Variants in PCDHA5 observed in about 807,000 individuals in gnomAD.
PCDHA5 encodes the protein protocadherin alpha 5.
In PCDHA5, 43 loss-of-function variants were observed where a neutral mutation model predicts 61.6. The observed-to-expected ratio is 0.70, with a 90% CI of 0.55 to 0.90. PCDHA5 has a LOEUF of 0.90. PCDHA5 is among the 40% of genes least tolerant of loss of function. PCDHA5 has a pLI of 0.00. For synonymous variants in PCDHA5, 627 were observed against 543.9 expected (o/e 1.15, Z -2.13); for missense variants, 1,298 against 1,222.7 (o/e 1.06, Z -0.92).
intron 1 of PCDHA5, chr5:140,877,659 G>A (rs1554169954): frequency 9.3e-6 from 15 of 1,613,500 alleles, no homozygotes; most frequent in Admixed American, 1.7e-5. Flanking sequence ...CGCCCACCGT[G>A]AGCCGGTGCG....
At chr5:140,857,146 C>T (rs1554149571) in intron 1 of PCDHA5, 3 of 1,598,132 alleles carry the variant, frequency 1.9e-6, no homozygotes, top group East Asian at 2.2e-5. Flanking sequence ...AAGTGGGCAC[C>T]GTCATTGCCC....
At chr5:140,838,195 A>T (rs1007938593) in intron 1 of PCDHA5, among the ~76,000 whole-genome samples, 4 of 149,564 alleles carry the variant, frequency 2.7e-5, no homozygotes, top group Non-Finnish European at 5.9e-5. Context: ...CTCACTGCAA[A>T]ATCCGCCTCT....
chr5:140,906,804 C>T (rs1254520665), intron 1 of PCDHA5, among the ~76,000 whole-genome samples: 3 of 152,224 alleles, frequency 2.0e-5, no homozygotes, highest in Non-Finnish European at 4.4e-5. Context: ...CATACTCTTC[C>T]TTACCTCCAC....
rs199746737 is a variant in PCDHA5 at position 140,822,067 on chromosome 5, A to T, written c.292A>T (p.Arg98Trp). 1.9e-4 allele frequency: 311 copies of T among 1,614,078 alleles called. No individual in the cohort carries two copies. Among genetic ancestry groups the T allele is most frequent in the Non-Finnish European group, 2.4e-4 (286 of 1,180,038 alleles). The change falls in exon 1 of 4, where the codon AGG (arginine) becomes TGG (tryptophan). Residue 98 changes from arginine (R) to tryptophan (W), a missense_variant. Arg to Trp is a moderately radical substitution (Grantham distance 101). Transcript: ENST00000529859. ...RIDREELCRR[R>W]AECSIHLEVI... ...CGACCGGGAGGAGCTGTGCCGGCGGAGGGCGGAGTGCAGCATCCACCTGGA... is the reference window on the plus strand; with the variant it reads ...CGACCGGGAGGAGCTGTGCCGGCGGTGGGCGGAGTGCAGCATCCACCTGGA...
chr5:140,935,353 T>C (rs2090328143), intron 1 of PCDHA5, among the ~76,000 whole-genome samples: 1 of 152,184 alleles, frequency 6.6e-6, no homozygotes, highest in Non-Finnish European at 1.5e-5. Flanking sequence ...CAAATCCCAG[T>C]TTTCATTAAC....
At chr5:140,859,846 T>C (rs1156718746) in intron 1 of PCDHA5, 1 of 152,114 alleles carries the variant, frequency 6.6e-6, no homozygotes. Context: ...TTTTATCAAA[T>C]AGGTTTATGA....
chr5:140,923,171 G>T (rs1236853762), intron 1 of PCDHA5, among the ~76,000 whole-genome samples: 1 of 152,112 alleles, frequency 6.6e-6, no homozygotes, highest in Non-Finnish European at 1.5e-5. Flanking sequence ...ATAAATTTTT[G>T]TTCAGATGCA....
chr5:140,871,046 T>C, intron 1 of PCDHA5: 1 of 1,613,310 alleles, frequency 6.2e-7, no homozygotes, highest in Non-Finnish European at 8.5e-7. Context: ...CGACTTCTAG[T>C]ACTGGTGAAG....
chr5:140,857,234 C>T (rs781784109), intron 1 of PCDHA5: 2 of 1,598,590 alleles, frequency 1.3e-6, no homozygotes, highest in South Asian at 1.1e-5. Context: ...TCCGTTCAAG[C>T]TGGTGTCCAC....
Position 140,823,068 on chromosome 5 carries a change from G to C in PCDHA5, c.1293G>C (p.Ser431=). 6.2e-7 allele frequency: 1 copy of C among 1,614,034 alleles called. No individual in the cohort carries two copies. The highest frequency in any genetic ancestry group is 8.5e-7 in the Non-Finnish European group (1 of 1,180,040). Residue 431 remains serine, a synonymous_variant, in exon 1 of 4, where the codon TCG becomes TCC. Coordinates refer to ENST00000529859, the MANE Select transcript of PCDHA5 (RefSeq NM_018908.3). ...TGGTGACCGCGCGGGACGGGGGCTC[G>C]CCTTCGCTGTGGGCCACCGCCAGCG... ...ELVVTARDGG[S]PSLWATASVS...
At chr5:140,958,442 T>C (rs1554223476) in intron 1 of PCDHA5, among the ~76,000 whole-genome samples, 1 of 152,178 alleles carries the variant, frequency 6.6e-6, no homozygotes, top group Non-Finnish European at 1.5e-5. Flanking sequence ...AATTTAAAAA[T>C]ACCTTTTATT....
At chr5:140,935,047 A>G (rs782161261) in intron 1 of PCDHA5, among the ~76,000 whole-genome samples, 11 of 152,140 alleles carry the variant, frequency 7.2e-5, no homozygotes, top group Admixed American at 3.3e-4. Flanking sequence ...GATTTCTGGT[A>G]TTACAAGATG....
intron 3 of PCDHA5, among the ~76,000 whole-genome samples, chr5:140,982,886 G>A (rs1310342145): frequency 1.3e-5 from 2 of 152,114 alleles, no homozygotes; most frequent in Admixed American, 6.6e-5. Flanking sequence ...GCCATGCAGA[G>A]AAGATCTGGT....
chr5:140,894,239 A>C (rs1323710769), intron 1 of PCDHA5, among the ~76,000 whole-genome samples: 11 of 152,028 alleles, frequency 7.2e-5, no homozygotes, highest in African/African-American at 2.2e-4. Flanking sequence ...ATGACAATGT[A>C]ATTTTCTTTT....
intron 3 of PCDHA5, among the ~76,000 whole-genome samples, chr5:141,005,862 G>A (rs376850991): frequency 6.6e-6 from 1 of 152,012 alleles, no homozygotes; most frequent in Non-Finnish European, 1.5e-5. Flanking sequence ...CAGGAGGGTC[G>A]ATTGAGTCCA....
At chr5:140,887,930 A>G (rs1276226662) in intron 1 of PCDHA5, among the ~76,000 whole-genome samples, 1 of 152,096 alleles carries the variant, frequency 6.6e-6, no homozygotes, top group Non-Finnish European at 1.5e-5. Context: ...CAGAGACCAT[A>G]TTTATTTCTT....
intron 1 of PCDHA5, chr5:140,928,108 G>C: frequency 6.2e-7 from 1 of 1,614,190 alleles, no homozygotes; most frequent in Non-Finnish European, 8.5e-7. Flanking sequence ...CCTGGACCGG[G>C]AGCAGATCAG....
intron 1 of PCDHA5, among the ~76,000 whole-genome samples, chr5:140,885,388 A>G (rs1187514037): frequency 2.0e-5 from 3 of 152,166 alleles, no homozygotes; most frequent in Admixed American, 2.0e-4. Context: ...CAGTCCCTGC[A>G]AATCTAATGG....
intron 1 of PCDHA5, among the ~76,000 whole-genome samples, chr5:140,889,342 A>G (rs1418641372): frequency 6.6e-6 from 1 of 152,018 alleles, no homozygotes; most frequent in East Asian, 1.9e-4. Context: ...GATTGGTGGG[A>G]ATATTTCTGA....
Sources: allele counts gnomAD v4.1 joint callset (sites outside exome capture counted in the v4.1 genomes callset), GRCh38; gene constraint gnomAD v4.1.1; transcripts MANE v1.5; gene names NCBI Gene and HGNC (gene_info 2026-07-23, HGNC 2026-07-21).